PDZD8: variants seen among roughly 807,000 people sequenced by gnomAD.
The protein encoded by PDZD8 is PDZ domain containing 8, also known as PDZ domain-containing protein 8.
PDZD8 carries 14 observed loss-of-function variants against 85.8 expected under a neutral mutation model. The ratio of observed to expected loss-of-function variants is 0.16; its 90% CI spans 0.11 to 0.26. PDZD8 has a LOEUF of 0.26. Ranked by LOEUF, PDZD8 falls within the 10% of genes least tolerant of loss-of-function variation. The pLI is 1.00. For synonymous variants in PDZD8, 592 were observed against 568.6 expected, an observed-to-expected ratio of 1.04 and a Z score of -0.59; for missense variants, 1,197 against 1,424.3, an observed-to-expected ratio of 0.84 and a Z score of 2.57.
chr10:117,297,812 C>A (rs943366723), intron 3 of PDZD8, among the ~76,000 whole-genome samples: 1 of 152,002 alleles, frequency 6.6e-6, no homozygotes, highest in Non-Finnish European at 1.5e-5. Context: ...TATACAATTA[C>A]CAAAATTCAC....
intron 1 of PDZD8, among the ~76,000 whole-genome samples, chr10:117,364,228 G>A (rs1564713982): frequency 1.3e-5 from 2 of 151,758 alleles, no homozygotes; most frequent in East Asian, 1.9e-4. Flanking sequence ...GTGTGTCTGT[G>A]TGTCTGTCTG....
chr10:117,371,784 T>A (rs1236840705), intron 1 of PDZD8, among the ~76,000 whole-genome samples: 1 of 151,686 alleles, frequency 6.6e-6, no homozygotes, highest in South Asian at 2.1e-4. Context: ...CAAAAAAAAT[T>A]TTTTTTTAAT....
intron 2 of PDZD8, among the ~76,000 whole-genome samples, chr10:117,338,659 GATTT>G (rs1844557166): frequency 6.6e-6 from 1 of 152,152 alleles, no homozygotes; most frequent in African/African-American, 2.4e-5. Flanking sequence ...TCCTTTCAGA[GATTT>G]ATTACACAGT....
At chr10:117,285,862 G>A (rs897210487) in intron 4 of PDZD8, 17 of 444,366 alleles carry the variant, frequency 3.8e-5, no homozygotes, top group African/African-American at 3.6e-4. Context: ...ATCAGACTTA[G>A]AGTGAGGGAA....
chr10:117,374,553 C>A lies in PDZD8; in HGVS notation c.675G>T (p.Val225=). 6.2e-7 allele frequency: 1 copy of A among 1,603,068 alleles called. No individual in the cohort carries two copies. The highest frequency in any genetic ancestry group is 8.5e-7 in the Non-Finnish European group (1 of 1,174,752). ...SAYLFVKLSR[V]VGRLRLVFTR... ...TAAAGACCAAGCGCAGCCTTCCCACCACGCGGGACAGCTTGACAAACAAGT... is the reference window on the plus strand; with the variant it reads ...TAAAGACCAAGCGCAGCCTTCCCACAACGCGGGACAGCTTGACAAACAAGT... The change falls in exon 1 of 5, where the codon GTG becomes GTT. Residue 225 remains valine (V), a synonymous_variant. Coordinates refer to ENST00000334464, the MANE Select transcript of PDZD8 (RefSeq NM_173791.5). This position sits in a 1 kb window ranked among gnomAD's most constrained non-coding sequence, Gnocchi z 7.8.
rs577337796 is a variant in PDZD8 at position 117,372,523 on chromosome 10, T to A, written c.872+1833A>T. 2.6e-5 allele frequency among the ~76,000 whole-genome samples: 4 copies of A among 152,314 alleles called. No individual in the cohort carries two copies. The South Asian group carries it at 8.3e-4, about 32-fold the overall frequency. The stretch of plus-strand genomic sequence containing the variant: ...TGAAAGCTATCAGAAAACATCATAA[T>A]TGAAGTTGTGATAGAATACCAAAAT... On this transcript the variant is annotated intron_variant, in intron 1 of 4. Transcript: ENST00000334464.
intron 3 of PDZD8, among the ~76,000 whole-genome samples, chr10:117,294,994 A>AT (rs1229079642): frequency 6.6e-6 from 1 of 152,158 alleles, no homozygotes; most frequent in Non-Finnish European, 1.5e-5. Flanking sequence ...GGAAGAGATT[A>AT]TTTTTAATAT....
intron 1 of PDZD8, among the ~76,000 whole-genome samples, chr10:117,365,510 A>C (rs976768301): frequency 6.6e-6 from 1 of 152,218 alleles, no homozygotes; most frequent in Non-Finnish European, 1.5e-5. Context: ...ATTTTCTAAC[A>C]GCTTGAATTT....
intron 1 of PDZD8, among the ~76,000 whole-genome samples, chr10:117,368,579 T>C (rs1845129675): frequency 6.6e-6 from 1 of 152,208 alleles, no homozygotes; most frequent in African/African-American, 2.4e-5. Context: ...GTGAATTTAC[T>C]TTGAAAGATT....
rs371177692 is a variant in PDZD8 at position 117,374,310 on chromosome 10, G to A, written c.872+46C>T. ...CCAATCCACGCAGCGTCCCGCCCAG[G>A]CCCGGGTTCCCGGCAGCCAGGCCCC... On this transcript the variant is annotated intron_variant, in intron 1 of 4. Coordinates refer to ENST00000334464, the MANE Select transcript of PDZD8 (RefSeq NM_173791.5). The surrounding 1 kb of genome is among the most constrained non-coding windows in gnomAD (Gnocchi z 7.8). 1.6e-5 allele frequency: 25 copies of A among 1,596,978 alleles called. No homozygotes were observed. The highest frequency in any genetic ancestry group is 2.7e-5 in the African/African-American group (2 of 74,642).
chr10:117,344,174 C>G (rs545754118), intron 1 of PDZD8, among the ~76,000 whole-genome samples: 1 of 152,234 alleles, frequency 6.6e-6, no homozygotes, highest in African/African-American at 2.4e-5. Context: ...TATGAAGAGC[C>G]CTGCTGATCT....
At chr10:117,308,066 G>A (rs1029868728) in intron 3 of PDZD8, among the ~76,000 whole-genome samples, 5 of 151,988 alleles carry the variant, frequency 3.3e-5, no homozygotes, top group Non-Finnish European at 7.4e-5. Flanking sequence ...TAACATCCAT[G>A]CTATGATATT....
chr10:117,359,213 G>C (rs1323047080), intron 1 of PDZD8, among the ~76,000 whole-genome samples: 2 of 151,730 alleles, frequency 1.3e-5, no homozygotes, highest in East Asian at 3.9e-4. Flanking sequence ...CCAGGAGTTC[G>C]AGACCAGCCT....
At chr10:117,364,202 G>GTGTGTT (rs1845047313) in intron 1 of PDZD8, among the ~76,000 whole-genome samples, 1 of 151,624 alleles carries the variant, frequency 6.6e-6, no homozygotes, top group African/African-American at 2.4e-5. Context: ...GTGTGTGTGT[G>GTGTGTT]TGTGTGAGAG....
At chr10:117,339,539 A>G (rs1237953351) in intron 2 of PDZD8, among the ~76,000 whole-genome samples, 1 of 152,248 alleles carries the variant, frequency 6.6e-6, no homozygotes, top group Non-Finnish European at 1.5e-5. Flanking sequence ...CCTGTTTTGT[A>G]TAACCTGTGG....
intron 1 of PDZD8, among the ~76,000 whole-genome samples, chr10:117,343,315 T>G (rs1482697003): frequency 6.6e-6 from 1 of 152,152 alleles, no homozygotes; most frequent in East Asian, 1.9e-4. Flanking sequence ...GCTCAGTGGT[T>G]TTCTCCTGTT....
intron 1 of PDZD8, among the ~76,000 whole-genome samples, chr10:117,364,205 T>A (rs12217282): frequency 0.23 from 34,341 of 151,370 alleles, 4,447 homozygotes; most frequent in East Asian, 0.43. Flanking sequence ...TGTGTGTGTG[T>A]GTGAGAGTGT....
At chr10:117,320,146 G>A (rs547343416) in intron 2 of PDZD8, among the ~76,000 whole-genome samples, 2 of 152,186 alleles carry the variant, frequency 1.3e-5, no homozygotes, top group South Asian at 4.1e-4. Flanking sequence ...TAAACTTAGT[G>A]CTTAACAACC....
In PDZD8 at chr10:117,284,933, A is replaced by G. The variant is rs961896119; in HGVS notation, c.1800T>C (p.Pro600=). 6.2e-6 allele frequency: 10 copies of G among 1,614,028 alleles called. No homozygotes were observed. In the Admixed American group the frequency reaches 1.0e-4, roughly 16 times the overall value. The change falls in exon 5 of 5, where the codon CCT becomes CCC. Residue 600 remains proline, a synonymous_variant. Coordinates refer to ENST00000334464, the MANE Select transcript of PDZD8 (RefSeq NM_173791.5). ...PVPPRPQAKV[P]LPSADAPNQA... ...GATTTGGAGCATCGGCGGAAGGCAA[A>G]GGAACTTTCGCTTGTGGTCGTGGTG...
Sources: allele counts gnomAD v4.1 joint callset (sites outside exome capture counted in the v4.1 genomes callset), GRCh38; gene constraint gnomAD v4.1.1; non-coding constraint Gnocchi (gnomAD v3.1); transcripts MANE v1.5; gene names NCBI Gene and HGNC (gene_info 2026-07-23, HGNC 2026-07-21).